SLC30A8: variants seen among roughly 807,000 people sequenced by gnomAD.
SLC30A8 encodes solute carrier family 30 member 8.
Under a neutral mutation model 36.9 loss-of-function variants are expected in SLC30A8, and 27 were observed. That is an observed-to-expected ratio of 0.73 (90% CI 0.54 to 1.01). SLC30A8 has a LOEUF of 1.01. Among genes scored for constraint, SLC30A8 ranks in the 50% least tolerant of loss-of-function variants. SLC30A8 has a pLI of 0.00. For missense variants in SLC30A8, 439 were observed against 452.0 expected (o/e 0.97, Z 0.26); for synonymous variants, 164 against 172.4 (o/e 0.95, Z 0.38).
At chr8:117,079,207 G>A (rs948593755) in intron 2 of SLC30A8, among the ~76,000 whole-genome samples, 1 of 151,350 alleles carries the variant, frequency 6.6e-6, no homozygotes, top group Non-Finnish European at 1.5e-5. Flanking sequence ...AGACAGTTTC[G>A]CCTTGTTGGC....
At chr8:117,024,940 A>G (rs1172452817) in intron 1 of SLC30A8, among the ~76,000 whole-genome samples, 2 of 152,114 alleles carry the variant, frequency 1.3e-5, no homozygotes, top group Non-Finnish European at 2.9e-5. Context: ...TCCATTAGCT[A>G]TTCTTCCTGA....
intron 1 of SLC30A8, among the ~76,000 whole-genome samples, chr8:117,037,634 C>T (rs902090134): frequency 6.6e-6 from 1 of 152,032 alleles, no homozygotes; most frequent in African/African-American, 2.4e-5. Flanking sequence ...ATAATATACT[C>T]ACTATATAGT....
At chr8:117,013,780 C>T (rs1340802554) in intron 1 of SLC30A8, among the ~76,000 whole-genome samples, 1 of 152,018 alleles carries the variant, frequency 6.6e-6, no homozygotes, top group Non-Finnish European at 1.5e-5. Flanking sequence ...TTTAACTTTG[C>T]TTTCCTATTT....
chr8:117,052,106 G>A (rs931944003), intron 2 of SLC30A8, among the ~76,000 whole-genome samples: 4 of 152,144 alleles, frequency 2.6e-5, no homozygotes, highest in Admixed American at 1.3e-4. Context: ...TGCCTCCCGG[G>A]TTCAAGCGAT....
chr8:117,095,286 T>C (rs1337126227), intron 2 of SLC30A8, among the ~76,000 whole-genome samples: 1 of 152,160 alleles, frequency 6.6e-6, no homozygotes, highest in Non-Finnish European at 1.5e-5. Flanking sequence ...ATTCACTCAA[T>C]GGTTTGTTCT....
chr8:117,052,546 A>C (rs145973429), intron 2 of SLC30A8, among the ~76,000 whole-genome samples: 127 of 152,350 alleles, frequency 8.3e-4, no homozygotes, highest in African/African-American at 2.8e-3. Flanking sequence ...CTGAGAGAAC[A>C]TGACCTTTTT....
rs1284422002 is a variant in SLC30A8 at position 117,127,036 on chromosome 8, G to A, written c.-225-8244G>A. ...TTTTAAAAGCAAAGTAGCCAGTTCA[G>A]TGGAAACTGTCTACAATTCATTACA... On this transcript the variant is annotated intron_variant, in intron 2 of 10. Transcript: ENST00000427715. Among the ~76,000 whole-genome samples, 3 of 152,072 alleles carry A rather than the reference G, an allele frequency of 2.0e-5. No individual in the cohort carries two copies. The East Asian group carries it at 5.8e-4, about 29-fold the overall frequency.
chr8:117,170,961 C>T lies in SLC30A8; in HGVS notation c.830-73C>T, dbSNP rs1009950712. 4.4e-6 allele frequency: 6 copies of T among 1,359,400 alleles called. No individual in the cohort carries two copies. The East Asian group carries it at 7.4e-5, about 17-fold the overall frequency. The allele number at this position is 1,359,400 out of a possible 1,614,324, so 84.2% of individuals were successfully genotyped here. The stretch of plus-strand genomic sequence containing the variant: ...CATTGAAATTTTGGTGAGGACTTTG[C>T]AGCTTGTTTAGGTAATTCAATGAGC... On this transcript the variant is annotated intron_variant, in intron 6 of 7. Transcript: ENST00000456015.
chr8:117,156,837 A>G (rs942324452), intron 3 of SLC30A8, among the ~76,000 whole-genome samples: 1 of 152,236 alleles, frequency 6.6e-6, no homozygotes, highest in African/African-American at 2.4e-5. Flanking sequence ...TTGCCACACA[A>G]TGGGTAATAA....
intron 1 of SLC30A8, among the ~76,000 whole-genome samples, chr8:116,977,536 G>T (rs1325168533): frequency 8.0e-6 from 1 of 125,748 alleles, no homozygotes; most frequent in African/African-American, 3.1e-5. Flanking sequence ...TTTTGAGATA[G>T]AGTCTGGCTC....
chr8:117,004,874 T>C (rs549864877), intron 1 of SLC30A8, among the ~76,000 whole-genome samples: 1 of 152,282 alleles, frequency 6.6e-6, no homozygotes, highest in South Asian at 2.1e-4. Context: ...AACTTGTTTA[T>C]AAATAAGAGC....
chr8:117,023,789 G>A (rs1190284873), intron 1 of SLC30A8, among the ~76,000 whole-genome samples: 4 of 151,848 alleles, frequency 2.6e-5, no homozygotes, highest in Admixed American at 6.6e-5. Context: ...GTTACTGGGT[G>A]CAGCACACCA....
chr8:117,058,234 ATTTG>A lies in SLC30A8; in HGVS notation c.-226+18979_-226+18982del, dbSNP rs370330153. Reference sequence around the variant, plus strand: ...TCCTTTGTCCATTTTTAATTGGGTTATTTGTTCTTTTCCTGTTGAGTTACATGAA... The same window carrying A: ...TCCTTTGTCCATTTTTAATTGGGTTATTCTTTTCCTGTTGAGTTACATGAA... On this transcript the variant is annotated intron_variant, in intron 2 of 10. Transcript: ENST00000427715. Among the ~76,000 whole-genome samples the A allele has an allele frequency of 3.8e-3, 573 of 152,058 alleles. 8 individuals are homozygous for A. Among genetic ancestry groups the A allele is most frequent in the African/African-American group, 0.013 (538 of 41,490 alleles).
At chr8:117,023,032 A>G (rs569018220) in intron 1 of SLC30A8, among the ~76,000 whole-genome samples, 3 of 152,346 alleles carry the variant, frequency 2.0e-5, no homozygotes, top group South Asian at 4.1e-4. Flanking sequence ...ATTTACAAGA[A>G]AAAAAACAAC....
intron 2 of SLC30A8, among the ~76,000 whole-genome samples, chr8:117,079,185 T>C (rs1818584369): frequency 3.3e-5 from 5 of 152,212 alleles, no homozygotes; most frequent in African/African-American, 9.6e-5. Context: ...CTAATTTTTG[T>C]ATTTTTAGTA....
chr8:117,014,738 C>T (rs1026972434), intron 1 of SLC30A8, among the ~76,000 whole-genome samples: 2 of 152,114 alleles, frequency 1.3e-5, no homozygotes, highest in South Asian at 4.1e-4. Flanking sequence ...GGTCACTGCC[C>T]CTGGGAAATG....
At chr8:117,147,238 G>C in intron 2 of SLC30A8, 85 bp downstream of exon 2, 2 of 1,171,910 alleles carry the variant, frequency 1.7e-6, no homozygotes. Context: ...TTCTTATAAA[G>C]TAAGATTTAA....
At chr8:117,121,548 C>A (rs1820695635) in intron 2 of SLC30A8, among the ~76,000 whole-genome samples, 1 of 151,824 alleles carries the variant, frequency 6.6e-6, no homozygotes, top group African/African-American at 2.4e-5. Flanking sequence ...ATAAGGACAC[C>A]AATCTCATTC....
intron 2 of SLC30A8, among the ~76,000 whole-genome samples, chr8:117,096,003 C>A (rs184397402): frequency 6.6e-6 from 1 of 152,282 alleles, no homozygotes; most frequent in Non-Finnish European, 1.5e-5. Flanking sequence ...GTTGAGAGAG[C>A]AACAGCCTCA....
Sources: gnomAD v4.1 joint callset for allele counts (sites outside exome capture counted in the v4.1 genomes callset) on GRCh38, gnomAD v4.1.1 for gene constraint, MANE v1.5 for transcripts, NCBI Gene and HGNC (gene_info 2026-07-23, HGNC 2026-07-21) for gene names.